The following SIL1 variants were observed in gnomAD, a reference collection of about 807,000 sequenced individuals.
SIL1 encodes nucleotide exchange factor SIL1.
SIL1 carries 40 observed loss-of-function variants against 49.1 expected under a neutral mutation model. The ratio of observed to expected loss-of-function variants is 0.81; its 90% confidence interval spans 0.63 to 1.06. The LOEUF (loss-of-function observed/expected upper bound fraction) is 1.06. SIL1 is among the 50% of genes least tolerant of loss of function. The pLI is 0.00. For missense variants in SIL1, 500 were observed against 572.6 expected (o/e 0.87, Z 1.29); for synonymous variants, 253 against 250.8 (o/e 1.01, Z -0.08).
At chr5:139,016,849 C>CT (rs796617362) in intron 7 of SIL1, 20 of 149,978 alleles carry the variant, frequency 1.3e-4, no homozygotes, top group Middle Eastern at 3.5e-3. Flanking sequence ...TCTGTCTACT[C>CT]TTTTTTTTTT....
chr5:139,014,450 C>T (rs1768356778), intron 7 of SIL1, among the ~76,000 whole-genome samples: 1 of 151,270 alleles, frequency 6.6e-6, no homozygotes, highest in Non-Finnish European at 1.5e-5. Flanking sequence ...ACTTTGTGTG[C>T]TGAGAGTTAT....
At chr5:139,167,360 T>C (rs1331460415) in intron 1 of SIL1, among the ~76,000 whole-genome samples, 1 of 152,174 alleles carries the variant, frequency 6.6e-6, no homozygotes, top group Non-Finnish European at 1.5e-5. Context: ...GTTCCAAGTG[T>C]GTGATTGCCC....
chr5:139,104,670 G>A (rs1323320683), intron 3 of SIL1, among the ~76,000 whole-genome samples: 1 of 152,140 alleles, frequency 6.6e-6, no homozygotes, highest in Admixed American at 6.5e-5. Context: ...CAGACACAAG[G>A]ACACCTGTAT....
chr5:139,194,750 G>GA (rs1752233517), intron 1 of SIL1, among the ~76,000 whole-genome samples: 1 of 152,160 alleles, frequency 6.6e-6, no homozygotes, highest in Admixed American at 6.5e-5. Context: ...TAGCTCTCCT[G>GA]AAAAGAGGCT....
intron 1 of SIL1, among the ~76,000 whole-genome samples, chr5:139,184,587 ATCTT>A (rs1330019498): frequency 2.0e-5 from 3 of 152,164 alleles, no homozygotes; most frequent in Non-Finnish European, 4.4e-5. Flanking sequence ...GTGGGAGGAT[ATCTT>A]GAGCCCAAGA....
At chr5:139,057,484 C>T (rs1301047382) in intron 3 of SIL1, among the ~76,000 whole-genome samples, 1 of 151,916 alleles carries the variant, frequency 6.6e-6, no homozygotes, top group Admixed American at 6.6e-5. Flanking sequence ...TGTACCCCCA[C>T]CTGCCCCCTC....
Position 139,021,715 on chromosome 5 carries a change from C to G in SIL1, c.646-423G>C, listed in dbSNP as rs1489570912. 2.8e-5 allele frequency: 7 copies of G among 250,754 alleles called. No individual in the cohort carries two copies. In the East Asian group the frequency reaches 7.1e-4, roughly 25 times the overall value. 15.5% of individuals were successfully genotyped at this position (250,754 alleles called of 1,614,324 possible). A position where few individuals can be genotyped will look rare whatever the true frequency, so the allele number is the denominator to read the frequency against. On this transcript the variant is annotated intron_variant, in intron 6 of 9. Transcript: ENST00000394817. ...GGACAGTGGAGGCAGATTTTTAAAG[C>G]TGATTTTAAATTAGAAGCTAGGGAC...
chr5:139,051,058 G>T lies in SIL1; in HGVS notation c.245-12C>A. 6.2e-7 allele frequency: 1 copy of T among 1,613,086 alleles called. No homozygotes were observed. Among genetic ancestry groups the T allele is most frequent in the Non-Finnish European group, 8.5e-7 (1 of 1,179,158 alleles). ...AGGGACAGCCTGCCCTAAAAGCCAAGAAGAGAAAAGGCTCATGAGGTACAA... is the reference window on the plus strand; with the variant it reads ...AGGGACAGCCTGCCCTAAAAGCCAATAAGAGAAAAGGCTCATGAGGTACAA... On this transcript the variant is annotated splice_polypyrimidine_tract_variant and intron_variant, in intron 3 of 9. Coordinates refer to ENST00000394817, the MANE Select transcript of SIL1 (RefSeq NM_022464.5).
At chr5:138,972,294 T>A (rs1767297178) in intron 7 of SIL1, among the ~76,000 whole-genome samples, 1 of 152,166 alleles carries the variant, frequency 6.6e-6, no homozygotes, top group Non-Finnish European at 1.5e-5. Flanking sequence ...ACTGAGCCTG[T>A]CCCTAGAAAT....
In SIL1 at chr5:138,946,808, C is replaced by A. The variant is rs1750723690; in HGVS notation, c.*309G>T. On this transcript the variant is annotated 3_prime_UTR_variant, in exon 10 of 10. Coordinates refer to ENST00000394817, the MANE Select transcript of SIL1 (RefSeq NM_022464.5). ...TTAAGCGACTTCCCAAGGTACAGAGCTGCTGCTTGGTAAGAAGCAGAGACT... is the reference window on the plus strand; with the variant it reads ...TTAAGCGACTTCCCAAGGTACAGAGATGCTGCTTGGTAAGAAGCAGAGACT... 3 of 451,056 alleles carry A rather than the reference C, an allele frequency of 6.7e-6. No individual in the cohort carries two copies. The highest frequency in any genetic ancestry group is 1.2e-5 in the Non-Finnish European group (3 of 242,776). The allele number at this position is 451,056 out of a possible 1,614,324, so 27.9% of individuals were successfully genotyped here.
intron 3 of SIL1, among the ~76,000 whole-genome samples, chr5:139,086,068 A>G (rs1164621041): frequency 2.0e-5 from 3 of 151,328 alleles, no homozygotes; most frequent in African/African-American, 2.4e-5. Flanking sequence ...TTTGAGACCA[A>G]CTGCTCTCCT....
chr5:138,948,600 T>C lies in SIL1; in HGVS notation c.1030-1127A>G, dbSNP rs1319356180. 6.7e-6 allele frequency among the ~76,000 whole-genome samples: 1 copy of C among 149,100 alleles called. No individual in the cohort carries two copies. Among genetic ancestry groups the C allele is most frequent in the Non-Finnish European group, 1.5e-5 (1 of 67,508 alleles). Reference sequence around the variant, plus strand: ...CACTCTAACTCTCCCCTGGGGCCTCTGGAGGCGCAGCTCCGACTTCCAGGT... The same window carrying C: ...CACTCTAACTCTCCCCTGGGGCCTCCGGAGGCGCAGCTCCGACTTCCAGGT... On this transcript the variant is annotated intron_variant, in intron 9 of 9. Coordinates refer to ENST00000394817, the MANE Select transcript of SIL1 (RefSeq NM_022464.5). This position sits in a 1 kb window ranked among gnomAD's most constrained non-coding sequence, Gnocchi z 4.8.
Position 139,171,379 on chromosome 5 carries a change from T to C in SIL1, c.-11+26890A>G, listed in dbSNP as rs1409620808. ...TAAGAAAAATTCTTCTGCCTTGGGA[T>C]CCTGTTGATGGGTGACCTTACCCCC... On this transcript the variant is annotated intron_variant, in intron 1 of 9. Transcript: ENST00000394817. 2.8e-4 allele frequency among the ~76,000 whole-genome samples: 43 copies of C among 152,204 alleles called. 1 individual carries two copies. Among genetic ancestry groups the C allele is most frequent in the Admixed American group, 2.8e-3 (43 of 15,286 alleles).
At chr5:139,040,811 T>C (rs192035027) in intron 5 of SIL1, among the ~76,000 whole-genome samples, 6 of 152,210 alleles carry the variant, frequency 3.9e-5, no homozygotes, top group African/African-American at 1.4e-4. Flanking sequence ...AACCAGCAAC[T>C]AAAACTTTTA....
chr5:138,985,978 C>G (rs1767642723), intron 7 of SIL1, among the ~76,000 whole-genome samples: 1 of 152,174 alleles, frequency 6.6e-6, no homozygotes, highest in South Asian at 2.1e-4. Flanking sequence ...ACCCATCATC[C>G]TAATGGACTT....
At chr5:139,103,920 G>A (rs1341915658) in intron 3 of SIL1, among the ~76,000 whole-genome samples, 1 of 152,238 alleles carries the variant, frequency 6.6e-6, no homozygotes, top group East Asian at 1.9e-4. Flanking sequence ...TCCAGAACCT[G>A]CTGGCAGGTC....
intron 5 of SIL1, among the ~76,000 whole-genome samples, chr5:139,030,849 A>G (rs2150436439): frequency 6.6e-6 from 1 of 152,280 alleles, no homozygotes; most frequent in Admixed American, 6.5e-5. Context: ...AATAAATATT[A>G]CTATTGCTTT....
At chr5:139,195,094 G>A (rs1246327100) in intron 1 of SIL1, among the ~76,000 whole-genome samples, 3 of 151,884 alleles carry the variant, frequency 2.0e-5, no homozygotes, top group Non-Finnish European at 2.9e-5. Context: ...CACCACGCCC[G>A]GCTAATTTTG....
At chr5:139,067,149 G>A (rs1228849825) in intron 3 of SIL1, among the ~76,000 whole-genome samples, 1 of 152,116 alleles carries the variant, frequency 6.6e-6, no homozygotes, top group Non-Finnish European at 1.5e-5. Context: ...TGAAATGTGG[G>A]GCAGAAGGAT....
Sources: allele counts gnomAD v4.1 joint callset (sites outside exome capture counted in the v4.1 genomes callset), GRCh38; gene constraint gnomAD v4.1.1; non-coding constraint Gnocchi (gnomAD v3.1); transcripts MANE v1.5; gene names NCBI Gene and HGNC (gene_info 2026-07-23, HGNC 2026-07-21).